The following GNG4 variants were observed in gnomAD, a reference collection of about 807,000 sequenced individuals.
GNG4 encodes G protein subunit gamma 4.
GNG4 carries 4 observed loss-of-function variants against 5.8 expected under a neutral mutation model. That is an observed-to-expected ratio of 0.69 (90% CI 0.34 to 1.57). The LOEUF is 1.57. GNG4 is among the 40% of genes most tolerant of loss of function. The pLI is 0.06. For missense variants in GNG4, 96 were observed against 95.1 expected (o/e 1.01, Z -0.04); for synonymous variants, 29 against 32.9 (o/e 0.88, Z 0.41).
intron 3 of GNG4, among the ~76,000 whole-genome samples, chr1:235,567,415 G>C (rs1018865854): frequency 1.3e-5 from 2 of 151,986 alleles, no homozygotes; most frequent in South Asian, 4.1e-4. Flanking sequence ...AGTACCATCC[G>C]TCTCCAGAAC....
At chr1:235,646,996 TA>T (rs1219023778) in intron 1 of GNG4, among the ~76,000 whole-genome samples, 1 of 152,246 alleles carries the variant, frequency 6.6e-6, no homozygotes, top group Non-Finnish European at 1.5e-5. Flanking sequence ...TAGAGGTTTT[TA>T]ACCAGCTTCT....
intron 1 of GNG4, among the ~76,000 whole-genome samples, chr1:235,600,314 C>T (rs899464849): frequency 2.6e-5 from 4 of 151,768 alleles, no homozygotes; most frequent in African/African-American, 9.7e-5. Context: ...GGAGTTTCAA[C>T]ATATTGGCCA....
chr1:235,550,440 T>C lies in GNG4; in HGVS notation c.*1669A>G, dbSNP rs1686712428. The stretch of plus-strand genomic sequence containing the variant: ...CGGGCTGCCTGCCCTCAAATCCCAG[T>C]TTTTCTGCTTACCATGTGTAACCTT... On this transcript the variant is annotated 3_prime_UTR_variant, in exon 4 of 4. Transcript: ENST00000391854. The C allele has an allele frequency of 6.6e-6, 1 of 152,254 alleles. No homozygotes were observed. Among genetic ancestry groups the C allele is most frequent in the Non-Finnish European group, 1.5e-5 (1 of 68,146 alleles). The allele number at this position is 152,254 out of a possible 1,614,324, so 9.4% of individuals were successfully genotyped here. A position where few individuals can be genotyped will look rare whatever the true frequency, so the allele number is the denominator to read the frequency against.
At chr1:235,573,406 A>G (rs1417881199) in intron 3 of GNG4, among the ~76,000 whole-genome samples, 3 of 151,980 alleles carry the variant, frequency 2.0e-5, no homozygotes, top group Non-Finnish European at 4.4e-5. Flanking sequence ...CACACCAAAT[A>G]TGGCACACGT....
intron 1 of GNG4, among the ~76,000 whole-genome samples, chr1:235,607,845 C>G (rs747502105): frequency 1.3e-5 from 2 of 152,118 alleles, no homozygotes; most frequent in Non-Finnish European, 2.9e-5. Flanking sequence ...CCTCCCCTCA[C>G]TTTAGTCCAT....
intron 1 of GNG4, among the ~76,000 whole-genome samples, chr1:235,640,419 G>A (rs1372748151): frequency 6.6e-6 from 1 of 152,196 alleles, no homozygotes; most frequent in Non-Finnish European, 1.5e-5. Context: ...CCCAAGAAGG[G>A]ATATTTTAAA....
intron 3 of GNG4, among the ~76,000 whole-genome samples, chr1:235,562,080 A>G (rs1339771682): frequency 1.3e-5 from 2 of 152,148 alleles, no homozygotes; most frequent in African/African-American, 4.8e-5. Flanking sequence ...GCTTCATGGT[A>G]TTGGCTTTGC....
chr1:235,640,932 G>C (rs1473151323), intron 1 of GNG4, among the ~76,000 whole-genome samples: 1 of 152,226 alleles, frequency 6.6e-6, no homozygotes, highest in African/African-American at 2.4e-5. Flanking sequence ...AGTGAGAAGG[G>C]GCTGCTTCTT....
At chr1:235,592,883 A>G (rs1192871701) in intron 2 of GNG4, among the ~76,000 whole-genome samples, 1 of 151,724 alleles carries the variant, frequency 6.6e-6, no homozygotes, top group African/African-American at 2.4e-5. Context: ...TTCCACTGCA[A>G]CACCTCGGTG....
chr1:235,596,611 A>C (rs917718196), intron 1 of GNG4, among the ~76,000 whole-genome samples: 8 of 152,266 alleles, frequency 5.3e-5, no homozygotes, highest in African/African-American at 1.9e-4. Context: ...GCCTTTTCCC[A>C]GAGATAACTA....
chr1:235,563,965 A>G (rs980206661), intron 3 of GNG4, among the ~76,000 whole-genome samples: 1 of 152,224 alleles, frequency 6.6e-6, no homozygotes, highest in African/African-American at 2.4e-5. Flanking sequence ...ACTTTCCAGC[A>G]ATTTTATAAG....
chr1:235,648,009 G>A lies in GNG4; in HGVS notation c.-123+1653C>T, dbSNP rs1418879639. Among the ~76,000 whole-genome samples, 1 of 151,808 alleles carries A rather than the reference G, an allele frequency of 6.6e-6. No homozygotes were observed. The highest frequency in any genetic ancestry group is 2.1e-4 in the South Asian group (1 of 4,830). ...ACTTTTGCTTTAAAAACTGTAAAGT[G>A]AATCTAGGAAAAGCTTTTTTTTTTT... On this transcript the variant is annotated intron_variant, in intron 1 of 3. Coordinates refer to ENST00000391854, the MANE Select transcript of GNG4 (RefSeq NM_001098722.2). The surrounding 1 kb of genome is among the most constrained non-coding windows in gnomAD (Gnocchi z 5.0).
At chr1:235,634,230 A>C (rs1240051771) in intron 1 of GNG4, among the ~76,000 whole-genome samples, 1 of 152,202 alleles carries the variant, frequency 6.6e-6, no homozygotes, top group African/African-American at 2.4e-5. Context: ...GGCCAGTGGC[A>C]CGGGCAGTAA....
At chr1:235,606,877 C>T (rs73120728) in intron 1 of GNG4, among the ~76,000 whole-genome samples, 6,863 of 151,644 alleles carry the variant, frequency 0.045, 266 homozygotes, top group African/African-American at 0.096. Flanking sequence ...GGAAGGAAGC[C>T]GCATGCTCAC....
rs529139518 is a variant in GNG4, at chr1:235,642,740, G to A, written c.-123+6922C>T. Among the ~76,000 whole-genome samples, 19 of 152,186 alleles carry A rather than the reference G, an allele frequency of 1.2e-4. No individual in the cohort carries two copies. The highest frequency in any genetic ancestry group is 1.2e-3 in the Admixed American group (18 of 15,294). On this transcript the variant is annotated intron_variant, in intron 1 of 3. Transcript: ENST00000391854. This position sits in a 1 kb window ranked among gnomAD's most constrained non-coding sequence, Gnocchi z 4.3. ...CCTAAACTTGCCGTGTGTTCTTGGA[G>A]GCGCGGGCCTCCCTGCTGTCATCAC... is the stretch of plus-strand genomic sequence containing the variant.
At chr1:235,568,726 C>A (rs1687264226) in intron 3 of GNG4, among the ~76,000 whole-genome samples, 4 of 151,768 alleles carry the variant, frequency 2.6e-5, no homozygotes, top group Admixed American at 2.6e-4. Flanking sequence ...ATGATAGTAC[C>A]CAAGGTTCTG....
upstream of GNG4, chr1:235,650,133 C>T (rs1435967586): frequency 1.3e-5 from 2 of 150,692 alleles, no homozygotes; most frequent in African/African-American, 2.4e-5. Flanking sequence ...CCGCGCCCCC[C>T]GCCCGCTACT....
chr1:235,572,508 CTT>C (rs71174442), intron 3 of GNG4, among the ~76,000 whole-genome samples: 7 of 127,388 alleles, frequency 5.5e-5, no homozygotes, highest in Non-Finnish European at 9.9e-5. Flanking sequence ...TTTTTTTTTT[CTT>C]TTTTTTTTTG....
At chr1:235,573,635 G>C (rs969506543) in intron 3 of GNG4, among the ~76,000 whole-genome samples, 2 of 152,008 alleles carry the variant, frequency 1.3e-5, no homozygotes, top group African/African-American at 4.8e-5. Flanking sequence ...AAATTAGCCG[G>C]GTGTGGTGGC....
Sources: allele counts gnomAD v4.1 joint callset (sites outside exome capture counted in the v4.1 genomes callset), GRCh38; gene constraint gnomAD v4.1.1; non-coding constraint Gnocchi (gnomAD v3.1); transcripts MANE v1.5; gene names NCBI Gene and HGNC (gene_info 2026-07-23, HGNC 2026-07-21).